Variants in PPA2 observed in about 807,000 individuals in gnomAD.
PPA2 encodes inorganic pyrophosphatase 2.
A neutral mutation model predicts 49.5 loss-of-function variants in PPA2; 48 were observed. The observed-to-expected ratio is 0.97, with a 90% CI of 0.77 to 1.23. The LOEUF (loss-of-function observed/expected upper bound fraction) is 1.23, where lower values mean the gene tolerates loss of function less well. Among genes scored for constraint, PPA2 ranks in the 50% most tolerant of loss-of-function variants. The pLI is 0.00. For missense variants in PPA2, 429 were observed against 410.1 expected (o/e 1.05, Z -0.40); for synonymous variants, 131 against 139.9 (o/e 0.94, Z 0.45).
chr4:105,409,820 G>T (rs1238351722), intron 7 of PPA2, among the ~76,000 whole-genome samples: 1 of 152,194 alleles, frequency 6.6e-6, no homozygotes, highest in South Asian at 2.1e-4. Flanking sequence ...TGCAGCTGAG[G>T]GGCCTGTTAG....
chr4:105,371,325 C>T (rs552382987), intron 10 of PPA2, among the ~76,000 whole-genome samples: 61 of 152,182 alleles, frequency 4.0e-4, no homozygotes. Flanking sequence ...GATGGCTGGG[C>T]CAAGATTCTG....
At chr4:105,438,727 T>A (rs1470135808) in intron 5 of PPA2, among the ~76,000 whole-genome samples, 11 of 152,242 alleles carry the variant, frequency 7.2e-5, no homozygotes, top group African/African-American at 2.4e-4. Context: ...TTAGGCACTA[T>A]CTCTCCCAAA....
intron 1 of PPA2, chr4:105,473,503 C>T (rs1403543994): frequency 2.2e-6 from 1 of 446,446 alleles, no homozygotes; most frequent in Admixed American, 2.7e-5. Flanking sequence ...TGGGCGGGCT[C>T]TGCCTTCCCT....
intron 8 of PPA2, among the ~76,000 whole-genome samples, chr4:105,397,978 T>A (rs1734213300): frequency 6.6e-6 from 1 of 152,144 alleles, no homozygotes; most frequent in Non-Finnish European, 1.5e-5. Context: ...CTCTATATTT[T>A]AAATAGCAGT....
chr4:105,426,688 C>T (rs1345231396), intron 6 of PPA2, among the ~76,000 whole-genome samples: 1 of 152,218 alleles, frequency 6.6e-6, no homozygotes, highest in Admixed American at 6.5e-5. Flanking sequence ...ACAGTGTAAA[C>T]AAAGCCGCAG....
Position 105,417,419 on chromosome 4 carries a change from T to A in PPA2, c.655+6777A>T, listed in dbSNP as rs553282298. On this transcript the variant is annotated intron_variant, in intron 7 of 11. Coordinates refer to ENST00000341695, the MANE Select transcript of PPA2 (RefSeq NM_176869.3). ...ATCTTTTAGTGATCAGAAGATCCAC[T>A]CTACAATTTTAAGAAATAAAGAAAC... is the stretch of plus-strand genomic sequence containing the variant. 1.2e-4 allele frequency among the ~76,000 whole-genome samples: 19 copies of A among 152,274 alleles called. No homozygotes were observed. In the East Asian group the frequency reaches 3.7e-3, roughly 29 times the overall value.
In PPA2 at chr4:105,450,601, C is replaced by CTTTTTTTTTTTT. The variant is rs575896250; in HGVS notation, c.268-1210_268-1199dup. Among the ~76,000 whole-genome samples the CTTTTTTTTTTTT allele has an allele frequency of 1.2e-3, 103 of 82,656 alleles. 14 individuals carry two copies. The highest frequency in any genetic ancestry group is 1.5e-3 in the Non-Finnish European group (66 of 43,406). 54.2% of individuals were successfully genotyped at this position (82,656 alleles called of 152,430 possible). A position where few individuals can be genotyped will look rare whatever the true frequency, so the allele number is the denominator to read the frequency against. ...ATGCTGGCCAGGCTGGTCTGGAATTCTTTTTTTTTTTTTTTTTTTTTTTTG... is the reference window on the plus strand; with the variant it reads ...ATGCTGGCCAGGCTGGTCTGGAATTCTTTTTTTTTTTTTTTTTTTTTTTTTTTTTTTTTTTTG... On this transcript the variant is annotated intron_variant, in intron 3 of 11. Transcript: ENST00000341695.
intron 10 of PPA2, 53 bp downstream of exon 10, chr4:105,386,514 A>G: frequency 6.6e-7 from 1 of 1,519,402 alleles, no homozygotes; most frequent in East Asian, 2.3e-5. Context: ...TTTCTACTAG[A>G]CTTCCTATGA....
At chr4:105,439,907 TCCTA>T (rs59321968) in intron 5 of PPA2, among the ~76,000 whole-genome samples, 49,126 of 145,178 alleles carry the variant, frequency 0.34, 9,932 homozygotes, top group East Asian at 0.67. Flanking sequence ...ACTGTTCAAT[TCCTA>T]CCTATGAGTG....
At chr4:105,413,577 AACATGATGCTGGC>A (rs1220125754) in intron 7 of PPA2, among the ~76,000 whole-genome samples, 1 of 152,226 alleles carries the variant, frequency 6.6e-6, no homozygotes, top group Non-Finnish European at 1.5e-5. Context: ...TAATTAAAAT[AACATGATGCTGGC>A]ACAGGATTCT....
At chr4:105,440,347 C>T (rs546167966) in intron 5 of PPA2, among the ~76,000 whole-genome samples, 5 of 151,658 alleles carry the variant, frequency 3.3e-5, no homozygotes, top group African/African-American at 4.8e-5. Context: ...CTGCAAGCTC[C>T]GCCTCCTGGG....
intron 7 of PPA2, 115 bp from the exon 8 acceptor site, chr4:105,399,279 A>G: frequency 1.0e-6 from 1 of 1,003,706 alleles, no homozygotes; most frequent in Non-Finnish European, 1.4e-6. Context: ...AACCAGAAGC[A>G]CAATTGATTG....
intron 1 of PPA2, among the ~76,000 whole-genome samples, chr4:105,471,555 A>G (rs1465880858): frequency 2.6e-5 from 4 of 152,214 alleles, no homozygotes; most frequent in African/African-American, 7.2e-5. Flanking sequence ...TAGGCCAAGT[A>G]TACTACACTC....
At chr4:105,381,952 G>A (rs938477959) in intron 10 of PPA2, among the ~76,000 whole-genome samples, 1 of 151,950 alleles carries the variant, frequency 6.6e-6, no homozygotes, top group Non-Finnish European at 1.5e-5. Flanking sequence ...AGAAGTTGTT[G>A]AGAAGATTCA....
intron 11 of PPA2, among the ~76,000 whole-genome samples, chr4:105,370,194 T>C: frequency 6.6e-6 from 1 of 152,228 alleles, no homozygotes; most frequent in Non-Finnish European, 1.5e-5. Context: ...ATCATGTCTA[T>C]GGATTTACTC....
intron 7 of PPA2, chr4:105,405,187 T>A: frequency 1.5e-6 from 1 of 689,630 alleles, no homozygotes; most frequent in Non-Finnish European, 1.8e-6. Flanking sequence ...TTTTAATTTG[T>A]ATAATGCTCC....
intron 1 of PPA2, among the ~76,000 whole-genome samples, chr4:105,465,511 T>C (rs1020527845): frequency 6.6e-6 from 1 of 152,072 alleles, no homozygotes; most frequent in Non-Finnish European, 1.5e-5. Flanking sequence ...CATTCACGTT[T>C]TTTTGGTTTA....
intron 8 of PPA2, among the ~76,000 whole-genome samples, 173 bp from the exon 9 acceptor site, chr4:105,396,507 C>T (rs1445151684): frequency 1.3e-5 from 2 of 152,116 alleles, no homozygotes; most frequent in Non-Finnish European, 2.9e-5. Flanking sequence ...TGACTTTGGG[C>T]AGGTTACTTA....
At chr4:105,374,890 C>T (rs1244330537) in intron 10 of PPA2, among the ~76,000 whole-genome samples, 2 of 146,792 alleles carry the variant, frequency 1.4e-5, no homozygotes, top group Non-Finnish European at 3.0e-5. Flanking sequence ...CGGGGTTTTA[C>T]CATGTTGGCC....
Sources: allele counts gnomAD v4.1 joint callset (sites outside exome capture counted in the v4.1 genomes callset), GRCh38; gene constraint gnomAD v4.1.1; transcripts MANE v1.5; gene names NCBI Gene and HGNC (gene_info 2026-07-23, HGNC 2026-07-21).